The following SMAP1 variants were observed in gnomAD, a reference collection of about 807,000 sequenced individuals.
SMAP1 encodes the protein stromal membrane-associated protein 1.
In SMAP1, 24 loss-of-function variants were observed where a neutral mutation model predicts 58.5. The ratio of observed to expected loss-of-function variants is 0.41; its 90% CI spans 0.30 to 0.58. The LOEUF (loss-of-function observed/expected upper bound fraction) is 0.58, where lower values mean the gene tolerates loss of function less well. Ranked by LOEUF, SMAP1 falls within the 20% of genes least tolerant of loss-of-function variation. The pLI, the probability that SMAP1 is intolerant of heterozygous loss-of-function variation, is 0.29. For synonymous variants in SMAP1, 216 were observed against 196.6 expected (o/e 1.10, Z -0.82); for missense variants, 563 against 566.3 (o/e 0.99, Z 0.06).
At chr6:70,815,707 A>G (rs1314449991) in intron 6 of SMAP1, among the ~76,000 whole-genome samples, 12 of 152,166 alleles carry the variant, frequency 7.9e-5, no homozygotes, top group Admixed American at 5.2e-4. Context: ...CTCAAAAGGC[A>G]GTTAGACTGA....
chr6:70,760,999 T>G (rs1766724731), intron 3 of SMAP1, among the ~76,000 whole-genome samples: 1 of 152,086 alleles, frequency 6.6e-6, no homozygotes, highest in African/African-American at 2.4e-5. Context: ...AGATCTATTG[T>G]GTACCAAAGC....
rs187024102 is a variant in SMAP1 at position 70,774,070 on chromosome 6, A to C, written c.414+645A>C. 5.7e-3 allele frequency among the ~76,000 whole-genome samples: 874 copies of C among 152,320 alleles called. 8 individuals are homozygous for C. Among genetic ancestry groups the C allele is most frequent in the African/African-American group, 0.02 (822 of 41,596 alleles). Reference sequence around the variant, plus strand: ...TGTGTTAGAATTGCCTACAGTATTCACTATAGTAACATGCAGTACAGGTTT... The same window carrying C: ...TGTGTTAGAATTGCCTACAGTATTCCCTATAGTAACATGCAGTACAGGTTT... On this transcript the variant is annotated intron_variant, in intron 4 of 10. Transcript: ENST00000370455.
chr6:70,710,038 G>T (rs1340882541), intron 1 of SMAP1, among the ~76,000 whole-genome samples: 1 of 152,006 alleles, frequency 6.6e-6, no homozygotes. Flanking sequence ...ACACAAACTA[G>T]CTGTCTCTGT....
chr6:70,806,217 G>C (rs755953309), intron 6 of SMAP1, among the ~76,000 whole-genome samples: 1 of 152,290 alleles, frequency 6.6e-6, no homozygotes, highest in East Asian at 1.9e-4. Context: ...CAGCTATAGC[G>C]GATGCCTCTC....
In SMAP1 at chr6:70,823,109, A is replaced by C. The variant is rs149992030; in HGVS notation, c.577-13832A>C. Among the ~76,000 whole-genome samples, 276 of 152,276 alleles carry C rather than the reference A, an allele frequency of 1.8e-3. 2 individuals are homozygous for C. Among genetic ancestry groups the C allele is most frequent in the African/African-American group, 6.4e-3 (265 of 41,562 alleles). On this transcript the variant is annotated intron_variant, in intron 6 of 10. Transcript: ENST00000370455. ...AAATTCATGGTCTGATAATTCCAAC[A>C]TATCTGCCATAATTGAGTATGGCTA... is the stretch of plus-strand genomic sequence containing the variant.
At chr6:70,726,874 GGTGTGTGTGTGTGTGTGTGT>G (rs35977042) in intron 1 of SMAP1, among the ~76,000 whole-genome samples, 94 of 144,908 alleles carry the variant, frequency 6.5e-4, no homozygotes, top group African/African-American at 2.2e-3. Flanking sequence ...AAATTTTAGG[GGTGTGTGTGTGTGTGTGTGT>G]GTGTGTGTGT....
intron 6 of SMAP1, among the ~76,000 whole-genome samples, chr6:70,812,763 T>G (rs1769445700): frequency 6.6e-6 from 1 of 152,216 alleles, no homozygotes; most frequent in African/African-American, 2.4e-5. Flanking sequence ...CATTTCAGTT[T>G]ATTCTTTTGA....
chr6:70,697,586 G>C (rs1264228318), intron 1 of SMAP1, among the ~76,000 whole-genome samples: 1 of 152,120 alleles, frequency 6.6e-6, no homozygotes, highest in Non-Finnish European at 1.5e-5. Context: ...GATTACAGGC[G>C]TGAGCCACCA....
At chr6:70,787,451 G>T (rs948636187) in intron 4 of SMAP1, among the ~76,000 whole-genome samples, 1 of 151,988 alleles carries the variant, frequency 6.6e-6, no homozygotes, top group African/African-American at 2.4e-5. Context: ...TGACAAATGG[G>T]ATCTAATTAA....
intron 1 of SMAP1, among the ~76,000 whole-genome samples, chr6:70,727,707 C>G (rs543392792): frequency 8.5e-5 from 13 of 152,260 alleles, no homozygotes; most frequent in African/African-American, 3.1e-4. Context: ...AATTTGGGCT[C>G]TAAAATCAGG....
rs1176935781 is a variant in SMAP1, at chr6:70,861,866, G to A, written c.*1532G>A. The A allele has an allele frequency of 4.3e-6, 7 of 1,613,944 alleles. No homozygotes were observed. The highest frequency in any genetic ancestry group is 3.3e-5 in the South Asian group (3 of 91,074). Reference sequence around the variant, plus strand: ...TATTTGCTTTCGGTTCCAGTTCTTCGACTGTTGTTATCTGTTTGAGAAAGT... The same window carrying A: ...TATTTGCTTTCGGTTCCAGTTCTTCAACTGTTGTTATCTGTTTGAGAAAGT... On this transcript the variant is annotated 3_prime_UTR_variant, in exon 11 of 11. Transcript: ENST00000370455.
chr6:70,731,700 G>A (rs1283830428), intron 1 of SMAP1, among the ~76,000 whole-genome samples: 4 of 152,308 alleles, frequency 2.6e-5, no homozygotes, highest in Non-Finnish European at 4.4e-5. Context: ...TTTAATGTCA[G>A]TGTTATATTT....
intron 7 of SMAP1, among the ~76,000 whole-genome samples, chr6:70,846,722 G>C (rs1771003680): frequency 6.6e-6 from 1 of 152,148 alleles, no homozygotes; most frequent in Non-Finnish European, 1.5e-5. Context: ...GCCAGCCCCT[G>C]CCCTCAGGGC....
chr6:70,673,529 TAA>T (rs1430633110), intron 1 of SMAP1, among the ~76,000 whole-genome samples: 4 of 152,228 alleles, frequency 2.6e-5, no homozygotes, highest in East Asian at 1.9e-4. Flanking sequence ...TGTTTTTCAT[TAA>T]GTCTTTGATA....
intron 4 of SMAP1, among the ~76,000 whole-genome samples, chr6:70,773,767 G>A (rs1248617676): frequency 6.6e-6 from 1 of 152,122 alleles, no homozygotes; most frequent in Non-Finnish European, 1.5e-5. Context: ...GCAAATATAT[G>A]TCTTCCTCTA....
intron 2 of SMAP1, among the ~76,000 whole-genome samples, chr6:70,753,310 A>G (rs751177376): frequency 6.6e-6 from 1 of 152,150 alleles, no homozygotes; most frequent in African/African-American, 2.4e-5. Flanking sequence ...TAAAATTTCT[A>G]TATATTCTTG....
At position 70,667,956 on chromosome 6, in the gene SMAP1, C is replaced by A; in HGVS notation, c.-68C>A. ...GTCCCGGCGGCGCCAGGTGCGTTCA[C>A]TCTGCCCGGCTCCAGCCAGCGTCCG... On this transcript the variant is annotated 5_prime_UTR_variant, in exon 1 of 11. Coordinates refer to ENST00000370455, the MANE Select transcript of SMAP1 (RefSeq NM_001044305.3). The A allele has an allele frequency of 7.1e-7, 1 of 1,415,866 alleles. No individual in the cohort carries two copies. The highest frequency in any genetic ancestry group is 9.6e-7 in the Non-Finnish European group (1 of 1,042,652). 87.7% of individuals were successfully genotyped at this position (1,415,866 alleles called of 1,614,324 possible). A position where few individuals can be genotyped will look rare whatever the true frequency, so the allele number is the denominator to read the frequency against.
intron 6 of SMAP1, among the ~76,000 whole-genome samples, chr6:70,829,210 C>T (rs547785428): frequency 6.6e-6 from 1 of 152,042 alleles, no homozygotes; most frequent in South Asian, 2.1e-4. Flanking sequence ...CATGCTTGCT[C>T]TGACCCTCTA....
chr6:70,788,191 A>T (rs1158973371), intron 4 of SMAP1, among the ~76,000 whole-genome samples: 1 of 151,092 alleles, frequency 6.6e-6, no homozygotes, highest in African/African-American at 2.4e-5. Flanking sequence ...TCAGCAAACT[A>T]TCGCAAGGAC....
Sources: gnomAD v4.1 joint callset for allele counts (sites outside exome capture counted in the v4.1 genomes callset) on GRCh38, gnomAD v4.1.1 for gene constraint, MANE v1.5 for transcripts, NCBI Gene and HGNC (gene_info 2026-07-23, HGNC 2026-07-21) for gene names.